Variants in OLFM1 observed in about 807,000 individuals in gnomAD.
OLFM1 encodes the protein noelin.
In OLFM1, 9 loss-of-function variants were observed where a neutral mutation model predicts 49.7. The observed-to-expected ratio is 0.18, with a 90% CI of 0.11 to 0.32. The LOEUF (loss-of-function observed/expected upper bound fraction) is 0.32. Among genes scored for constraint, OLFM1 ranks in the 10% least tolerant of loss-of-function variants. The pLI is 1.00. For synonymous variants in OLFM1, 240 were observed against 271.8 expected (o/e 0.88, Z 1.15); for missense variants, 369 against 661.8 (o/e 0.56, Z 4.85).
chr9:135,105,767 A>G (rs1078748), intron 4 of OLFM1: 26,251 of 152,074 alleles, frequency 0.17, 2,608 homozygotes, highest in African/African-American at 0.26. Context: ...GGGTGCGGGG[A>G]CTTGTGGTGG....
At chr9:135,087,262 A>T, upstream of OLFM1, 1 of 1,452,626 alleles carries the variant, frequency 6.9e-7, no homozygotes, top group South Asian at 1.4e-5. Context: ...GGACCCTCGA[A>T]TCACCGCGGA....
At chr9:135,118,016 T>C (rs1486854922) in intron 5 of OLFM1, among the ~76,000 whole-genome samples, 1 of 152,210 alleles carries the variant, frequency 6.6e-6, no homozygotes, top group East Asian at 1.9e-4. Context: ...ACCCTTTGGT[T>C]GTGACTACTC....
upstream of OLFM1, among the ~76,000 whole-genome samples, chr9:135,084,372 T>TCTCTCTCTC (rs1258985326): frequency 2.0e-5 from 3 of 147,488 alleles, no homozygotes; most frequent in Middle Eastern, 3.2e-3. This position sits in a 1 kb window ranked among gnomAD's most constrained non-coding sequence, Gnocchi z 4.6. Context: ...CTCCGTCTCT[T>TCTCTCTCTC]CTCTCTCTCC....
At chr9:135,076,091 C>G in intron 1 of OLFM1, 1 of 1,526,016 alleles carries the variant, frequency 6.6e-7, no homozygotes, top group Non-Finnish European at 8.8e-7. Flanking sequence ...CTGAGAAGTT[C>G]AAAGGGCAGC....
At position 135,080,350 on chromosome 9, in the gene OLFM1, G is replaced by C. The variant is rs1830516789; in HGVS notation, c.96+4548G>C. Reference sequence around the variant, plus strand: ...GGATGGAGTGCACGGGTAGGGGGAAGAGTTCAGGTGAAATTGGGGTCTTTT... The same window carrying C: ...GGATGGAGTGCACGGGTAGGGGGAACAGTTCAGGTGAAATTGGGGTCTTTT... On this transcript the variant is annotated intron_variant, in intron 1 of 5. Coordinates refer to the OLFM1 transcript ENST00000252854. The surrounding 1 kb of genome is among the most constrained non-coding windows in gnomAD (Gnocchi z 4.5). Among the ~76,000 whole-genome samples, 1 of 152,088 alleles carries C rather than the reference G, an allele frequency of 6.6e-6. No individual in the cohort carries two copies. Among genetic ancestry groups the C allele is most frequent in the Non-Finnish European group, 1.5e-5 (1 of 68,030 alleles).
At position 135,119,623 on chromosome 9, in the gene OLFM1, G is replaced by A. The variant is rs34164064; in HGVS notation, c.903G>A (p.Thr301=). ...SHRLPHPWSG[T]GQVVYNGSIY... ...GTCTCCCCCACCCCTGGTCGGGCACGGGGCAGGTGGTCTACAACGGTTCTA... is the reference window on the plus strand; with the variant it reads ...GTCTCCCCCACCCCTGGTCGGGCACAGGGCAGGTGGTCTACAACGGTTCTA... Residue 301 remains threonine, a synonymous_variant, in exon 6 of 6, where the codon ACG becomes ACA. Coordinates refer to ENST00000371793, the MANE Select transcript of OLFM1 (RefSeq NM_001282611.2). 218 of 1,614,138 alleles carry A rather than the reference G, an allele frequency of 1.4e-4. No individual in the cohort carries two copies. The African/African-American group carries it at 1.8e-3, about 13-fold the overall frequency.
chr9:135,109,209 G>A (rs1336131833), intron 5 of OLFM1, among the ~76,000 whole-genome samples: 1 of 152,196 alleles, frequency 6.6e-6, no homozygotes, highest in Non-Finnish European at 1.5e-5. Context: ...TTCTGTTTTT[G>A]TATCACCTTC....
At chr9:135,075,639 G>A (rs1442927473) in exon 1 of OLFM1, 36 of 1,166,466 alleles carry the variant, frequency 3.1e-5, no homozygotes, top group Non-Finnish European at 3.9e-5. Context: ...AGCCAGCGGA[G>A]CCGGGGCCAG....
chr9:135,098,116 T>C lies in OLFM1; in HGVS notation c.457-170T>C, dbSNP rs1224387758. The C allele has an allele frequency of 7.6e-6, 11 of 1,438,736 alleles. No individual in the cohort carries two copies. Among genetic ancestry groups the C allele is most frequent in the Non-Finnish European group, 1.0e-5 (11 of 1,103,140 alleles). The allele number at this position is 1,438,736 out of a possible 1,614,324, so 89.1% of individuals were successfully genotyped here. ...AGACCTTTCCCAAATATGCTGGTGT[T>C]CTGAGGACTGTTTAATATGCTCTTC... On this transcript the variant is annotated intron_variant, in intron 3 of 5. Transcript: ENST00000371793. This position sits in a 1 kb window ranked among gnomAD's most constrained non-coding sequence, Gnocchi z 5.6.
upstream of OLFM1, chr9:135,087,312 G>A (rs1485851546): frequency 2.6e-6 from 4 of 1,523,170 alleles, no homozygotes; most frequent in Admixed American, 6.1e-5. Flanking sequence ...TCTCTCTGCC[G>A]GCAACCTTTG....
Position 135,080,451 on chromosome 9 carries a change from G to T in OLFM1, c.96+4649G>T, listed in dbSNP as rs1212904293. 1.3e-5 allele frequency among the ~76,000 whole-genome samples: 2 copies of T among 152,140 alleles called. No homozygotes were observed. The highest frequency in any genetic ancestry group is 3.9e-4 in the East Asian group (2 of 5,178). ...AAGTTGGCTGTGGCCTCTCAGGCTG[G>T]CAATGCCTCTGGACACACGGAGGGA... is the stretch of plus-strand genomic sequence containing the variant. On this transcript the variant is annotated intron_variant, in intron 1 of 5. Transcript: ENST00000252854. The surrounding 1 kb of genome is among the most constrained non-coding windows in gnomAD (Gnocchi z 4.5).
At chr9:135,097,896 T>C in intron 3 of OLFM1, 15 of 1,576,972 alleles carry the variant, frequency 9.5e-6, no homozygotes, top group Non-Finnish European at 1.3e-5. Flanking sequence ...ACTATTATTT[T>C]CCAATACTTA....
rs1166336177 is a variant in OLFM1, at chr9:135,098,742, C to T, written c.676+237C>T. Reference sequence around the variant, plus strand: ...GCAGAGGCCACAGACCCCGCTGAGTCGCACATCTGGAAAAAAATAGCATAC... The same window carrying T: ...GCAGAGGCCACAGACCCCGCTGAGTTGCACATCTGGAAAAAAATAGCATAC... On this transcript the variant is annotated intron_variant, in intron 4 of 5. Transcript: ENST00000371793. The surrounding 1 kb of genome is among the most constrained non-coding windows in gnomAD (Gnocchi z 5.6). Among the ~76,000 whole-genome samples, 5 of 152,160 alleles carry T rather than the reference C, an allele frequency of 3.3e-5. No individual in the cohort carries two copies. Among genetic ancestry groups the T allele is most frequent in the African/African-American group, 7.2e-5 (3 of 41,514 alleles).
Position 135,088,065 on chromosome 9 carries a change from C to G in OLFM1, c.76C>G (p.Leu26Val), listed in dbSNP as rs573189289. ...AMITNWMSQT[L>V]PSLVGLNTTK... is the part of the protein sequence containing the mutation. Reference sequence around the variant, plus strand: ...GATCACTAACTGGATGTCCCAGACGCTGCCCTCGCTGGTGGGCCTCAACAC... The same window carrying G: ...GATCACTAACTGGATGTCCCAGACGGTGCCCTCGCTGGTGGGCCTCAACAC... The change falls in exon 1 of 6, where the codon CTG (leucine) becomes GTG (valine). Residue 26 changes from leucine (L) to valine (V), a missense_variant. Transcript: ENST00000371793. The surrounding 1 kb of genome is among the most constrained non-coding windows in gnomAD (Gnocchi z 4.8). The G allele has an allele frequency of 6.9e-7, 1 of 1,449,614 alleles. No individual in the cohort carries two copies. The highest frequency in any genetic ancestry group is 1.5e-5 in the African/African-American group (1 of 68,142). The allele number at this position is 1,449,614 out of a possible 1,614,324, so 89.8% of individuals were successfully genotyped here.
chr9:135,077,313 C>T lies in OLFM1; in HGVS notation c.96+1511C>T, dbSNP rs1830481120. 3.6e-6 allele frequency: 5 copies of T among 1,405,972 alleles called. No homozygotes were observed. The African/African-American group carries it at 7.2e-5, about 20-fold the overall frequency. 87.1% of individuals were successfully genotyped at this position (1,405,972 alleles called of 1,614,324 possible). On this transcript the variant is annotated intron_variant, in intron 1 of 5. Coordinates refer to the OLFM1 transcript ENST00000252854. ...TGATTCTGGGTGGTCCTGGACATGGCCGCACCCAAGGGCCCTCCAAGCCTT... is the reference window on the plus strand; with the variant it reads ...TGATTCTGGGTGGTCCTGGACATGGTCGCACCCAAGGGCCCTCCAAGCCTT...
In OLFM1 at chr9:135,097,081, G is replaced by A. The variant is rs139844334; in HGVS notation, c.456+1062G>A. Among the ~76,000 whole-genome samples, 836 of 152,286 alleles carry A rather than the reference G, an allele frequency of 5.5e-3. 6 individuals are homozygous for A. Among genetic ancestry groups the A allele is most frequent in the Middle Eastern group, 0.034 (10 of 294 alleles). The stretch of plus-strand genomic sequence containing the variant: ...CAGGTCAAATTACACAGCCTCGCCC[G>A]ACTAGAAACTGCTGGTGTACTCTGT... On this transcript the variant is annotated intron_variant, in intron 3 of 5. Transcript: ENST00000371793.
At position 135,115,771 on chromosome 9, in the gene OLFM1, T is replaced by A. The variant is rs535193307; in HGVS notation, c.784-3733T>A. ...CCTCTTGACTCTGACCACTGGAAAGTCACCAAACCTCCCTGGCCTCCATTT... is the reference window on the plus strand; with the variant it reads ...CCTCTTGACTCTGACCACTGGAAAGACACCAAACCTCCCTGGCCTCCATTT... On this transcript the variant is annotated intron_variant, in intron 5 of 5. Transcript: ENST00000371793. Among the ~76,000 whole-genome samples, 17 of 152,306 alleles carry A rather than the reference T, an allele frequency of 1.1e-4. 1 individual carries two copies. Among genetic ancestry groups the A allele is most frequent in the African/African-American group, 3.8e-4 (16 of 41,578 alleles).
rs1391907193 is a variant in OLFM1 at position 135,080,795 on chromosome 9, C to T, written c.96+4993C>T. Among the ~76,000 whole-genome samples the T allele has an allele frequency of 2.0e-5, 3 of 152,092 alleles. No homozygotes were observed. The highest frequency in any genetic ancestry group is 4.4e-5 in the Non-Finnish European group (3 of 68,012). ...CGAGCTAGGCTGACAGGGCGAGCAG[C>T]CAATTTCCAGCTCTGAAAGATTCGT... On this transcript the variant is annotated intron_variant, in intron 1 of 5. Coordinates refer to the OLFM1 transcript ENST00000252854. This position sits in a 1 kb window ranked among gnomAD's most constrained non-coding sequence, Gnocchi z 4.5.
chr9:135,083,767 G>T (rs191932764), upstream of OLFM1, among the ~76,000 whole-genome samples: 106 of 152,368 alleles, frequency 7.0e-4, no homozygotes, highest in African/African-American at 2.5e-3. Context: ...CCTGGGCAAG[G>T]GAGGGGCCCT....
Sources: allele counts gnomAD v4.1 joint callset (sites outside exome capture counted in the v4.1 genomes callset), GRCh38; gene constraint gnomAD v4.1.1; non-coding constraint Gnocchi (gnomAD v3.1); transcripts MANE v1.5; gene names NCBI Gene and HGNC (gene_info 2026-07-23, HGNC 2026-07-21).